The following CFAP36 variants were observed in gnomAD, a reference collection of about 807,000 sequenced individuals.
The protein encoded by CFAP36 is cilia- and flagella-associated protein 36.
A neutral mutation model predicts 50.5 loss-of-function variants in CFAP36; 37 were observed. That is an observed-to-expected ratio of 0.73 (90% CI 0.56 to 0.96). CFAP36 has a LOEUF of 0.96. CFAP36 is among the 50% of genes least tolerant of loss of function. The pLI is 0.00. For missense variants in CFAP36, 407 were observed against 396.2 expected, an observed-to-expected ratio of 1.03 and a Z score of -0.23; for synonymous variants, 138 against 128.2, an observed-to-expected ratio of 1.08 and a Z score of -0.52.
intron 2 of CFAP36, 26 bp downstream of exon 2, chr2:55,522,192 T>A: frequency 8.4e-7 from 1 of 1,192,976 alleles, no homozygotes; most frequent in South Asian, 1.4e-5. Flanking sequence ...CACTGATTTT[T>A]AAAAGTAATT....
chr2:55,522,028 G>A, intron 1 of CFAP36, 74 bp from the exon 2 acceptor site: 1 of 718,930 alleles, frequency 1.4e-6, no homozygotes, highest in Middle Eastern at 2.4e-4. Flanking sequence ...CTATTTGGAA[G>A]GAGTGGATTT....
chr2:55,535,101 G>T (rs1470371136), intron 5 of CFAP36, among the ~76,000 whole-genome samples: 1 of 152,120 alleles, frequency 6.6e-6, no homozygotes, highest in Non-Finnish European at 1.5e-5. Flanking sequence ...CCTGAAAACT[G>T]GTCAGCACTG....
chr2:55,536,011 A>G, intron 6 of CFAP36: 1 of 657,274 alleles, frequency 1.5e-6, no homozygotes, highest in South Asian at 7.6e-5. Context: ...GTACTAATTA[A>G]TCTTACAGGA....
intron 4 of CFAP36, among the ~76,000 whole-genome samples, chr2:55,529,571 G>A (rs1684301260): frequency 6.6e-6 from 1 of 151,834 alleles, no homozygotes; most frequent in Non-Finnish European, 1.5e-5. Flanking sequence ...AATGGTCATA[G>A]TTGTGGTTAC....
rs540286082 is a variant in CFAP36 at position 55,527,996 on chromosome 2, T to TC, written c.283-880dup. On this transcript the variant is annotated intron_variant, in intron 3 of 9. Coordinates refer to ENST00000349456, the MANE Select transcript of CFAP36 (RefSeq NM_080667.7). Reference sequence around the variant, plus strand: ...ACAAGCCTGGGCAACATGGTGAAACTCCAACTCTATAAAATACAAAAAAAT... The same window carrying TC: ...ACAAGCCTGGGCAACATGGTGAAACTCCCAACTCTATAAAATACAAAAAAAT... Among the ~76,000 whole-genome samples the TC allele has an allele frequency of 2.9e-3, 442 of 151,400 alleles. 4 individuals carry two copies. Among genetic ancestry groups the TC allele is most frequent in the African/African-American group, 9.9e-3 (409 of 41,298 alleles).
chr2:55,525,232 G>C (rs1188200925), intron 3 of CFAP36, among the ~76,000 whole-genome samples: 1 of 152,074 alleles, frequency 6.6e-6, no homozygotes, highest in Admixed American at 6.6e-5. Context: ...CAGGAGGATT[G>C]CTTGAAGCCA....
At chr2:55,534,894 A>C (rs1684443229) in intron 5 of CFAP36, among the ~76,000 whole-genome samples, 1 of 152,070 alleles carries the variant, frequency 6.6e-6, no homozygotes, top group Admixed American at 6.5e-5. Context: ...CGGGGGTTTG[A>C]GTGATTATGG....
intron 1 of CFAP36, chr2:55,520,308 A>T: frequency 9.3e-7 from 1 of 1,072,820 alleles, no homozygotes; most frequent in Non-Finnish European, 1.3e-6. Context: ...ACTTGAGAGG[A>T]GAAGCGTCGG....
At chr2:55,527,436 G>T (rs2103640809) in intron 3 of CFAP36, among the ~76,000 whole-genome samples, 1 of 152,166 alleles carries the variant, frequency 6.6e-6, no homozygotes, top group South Asian at 2.1e-4. Context: ...ACAAAAATTA[G>T]CCGGGTGTGG....
Position 55,544,070 on chromosome 2 carries a change from T to A in CFAP36, c.773T>A (p.Ile258Lys), listed in dbSNP as rs367730913. ...GLEHASIEGP[I>K]ANLSVLGTEE... Reference sequence around the variant, plus strand: ...GAGCATGCGAGCATTGAAGGACCAATAGCAGTAAGTAAACGACATCACTTA... The same window carrying A: ...GAGCATGCGAGCATTGAAGGACCAAAAGCAGTAAGTAAACGACATCACTTA... Residue 258 changes from isoleucine (I) to lysine (K), a missense_variant, in exon 8 of 10, where the codon ATA becomes AAA. Ile to Lys is a moderately radical substitution (Grantham distance 102). Transcript: ENST00000349456. 10 of 1,613,428 alleles carry A rather than the reference T, an allele frequency of 6.2e-6. No homozygotes were observed. Among genetic ancestry groups the A allele is most frequent in the Non-Finnish European group, 2.5e-6 (3 of 1,179,874 alleles).
At chr2:55,537,381 A>G in intron 6 of CFAP36, 102 bp from the exon 7 acceptor site, 1 of 838,814 alleles carries the variant, frequency 1.2e-6, no homozygotes, top group Non-Finnish European at 1.8e-6. Flanking sequence ...AAAAGAAAAA[A>G]AAAAGAAAAC....
At chr2:55,532,185 G>A (rs1465338681) in intron 4 of CFAP36, among the ~76,000 whole-genome samples, 1 of 150,216 alleles carries the variant, frequency 6.7e-6, no homozygotes, top group East Asian at 1.9e-4. Flanking sequence ...CTGGGCAACA[G>A]AGCAAGACCC....
rs544048196 is a variant in CFAP36 at position 55,542,494 on chromosome 2, C to T, written c.641-1444C>T. ...CTGCCAGCAATGGATAGTGTCTTTT[C>T]TCAGATTGATGCAGATTTGCCAGAG... On this transcript the variant is annotated intron_variant, in intron 7 of 9. Transcript: ENST00000349456. Among the ~76,000 whole-genome samples, 6 of 152,276 alleles carry T rather than the reference C, an allele frequency of 3.9e-5. No individual in the cohort carries two copies. The South Asian group carries it at 1.2e-3, about 32-fold the overall frequency.
chr2:55,541,365 T>A (rs1321214564), intron 7 of CFAP36, among the ~76,000 whole-genome samples: 3 of 152,220 alleles, frequency 2.0e-5, no homozygotes, highest in Admixed American at 6.5e-5. Context: ...TTTCTCCATT[T>A]ATTTAGTTCT....
intron 4 of CFAP36, among the ~76,000 whole-genome samples, chr2:55,529,669 C>T (rs1222075680): frequency 5.0e-5 from 6 of 119,242 alleles, no homozygotes; most frequent in East Asian, 2.4e-4. Context: ...TTTTTTGAGA[C>T]GGAGTCTCGC....
intron 3 of CFAP36, among the ~76,000 whole-genome samples, chr2:55,525,148 G>A (rs1684172171): frequency 6.6e-6 from 1 of 152,108 alleles, no homozygotes; most frequent in Non-Finnish European, 1.5e-5. Context: ...TACTACCCAA[G>A]TAGCCTTTTG....
Position 55,535,806 on chromosome 2 carries a change from C to A in CFAP36, c.537+43C>A, listed in dbSNP as rs199600275. 6.9e-4 allele frequency: 1,053 copies of A among 1,531,558 alleles called. 1 individual carries two copies. The highest frequency in any genetic ancestry group is 8.5e-4 in the Non-Finnish European group (975 of 1,146,666). The allele number at this position is 1,531,558 out of a possible 1,614,324, so 94.9% of individuals were successfully genotyped here. A position where few individuals can be genotyped will look rare whatever the true frequency, so the allele number is the denominator to read the frequency against. Reference sequence around the variant, plus strand: ...AACAGAAGTATTTTATTGCTGTTATCTCTTATTAAGTTTACACCTAGATCT... The same window carrying A: ...AACAGAAGTATTTTATTGCTGTTATATCTTATTAAGTTTACACCTAGATCT... On this transcript the variant is annotated intron_variant, in intron 6 of 9. Coordinates refer to ENST00000349456, the MANE Select transcript of CFAP36 (RefSeq NM_080667.7).
chr2:55,541,352 A>G (rs1033527644), intron 7 of CFAP36, among the ~76,000 whole-genome samples: 14 of 152,148 alleles, frequency 9.2e-5, no homozygotes, highest in Non-Finnish European at 1.9e-4. Flanking sequence ...AAACCATGGA[A>G]TATTTCTCCA....
intron 7 of CFAP36, among the ~76,000 whole-genome samples, chr2:55,542,928 G>A (rs75842503): frequency 6.6e-6 from 1 of 152,166 alleles, no homozygotes; most frequent in Admixed American, 6.5e-5. Context: ...ATTGTCCAAG[G>A]GTCTGGAGAG....
Sources: gnomAD v4.1 joint callset for allele counts (sites outside exome capture counted in the v4.1 genomes callset) on GRCh38, gnomAD v4.1.1 for gene constraint, MANE v1.5 for transcripts, NCBI Gene and HGNC (gene_info 2026-07-23, HGNC 2026-07-21) for gene names.